SEMA5A: variants seen among roughly 807,000 people sequenced by gnomAD.
SEMA5A encodes semaphorin 5A.
Under a neutral mutation model 135.5 loss-of-function variants are expected in SEMA5A, and 55 were observed. The observed-to-expected ratio is 0.41, with a 90% CI of 0.33 to 0.51. The LOEUF is 0.51. Among genes scored for constraint, SEMA5A ranks in the 20% least tolerant of loss-of-function variants. The pLI is 0.37. For missense variants in SEMA5A, 1,290 were observed against 1,419.9 expected (o/e 0.91, Z 1.47); for synonymous variants, 580 against 546.5 (o/e 1.06, Z -0.85).
chr5:9,340,388 C>T (rs1579374095), intron 3 of SEMA5A, among the ~76,000 whole-genome samples: 1 of 152,110 alleles, frequency 6.6e-6, no homozygotes, highest in East Asian at 1.9e-4. Flanking sequence ...AGAGATGAGC[C>T]TCTAAGAGGA....
chr5:9,083,395 G>T (rs1251790022), intron 16 of SEMA5A, among the ~76,000 whole-genome samples: 2 of 152,036 alleles, frequency 1.3e-5, no homozygotes, highest in African/African-American at 2.4e-5. Context: ...AATAACTCAG[G>T]TTATTTAATT....
chr5:9,137,116 A>G (rs1247060787), intron 12 of SEMA5A, among the ~76,000 whole-genome samples: 1 of 152,218 alleles, frequency 6.6e-6, no homozygotes, highest in Non-Finnish European at 1.5e-5. Context: ...CATAATCATC[A>G]TCGTTATTAC....
chr5:9,435,462 G>A (rs1435459960), intron 2 of SEMA5A, among the ~76,000 whole-genome samples: 2 of 152,122 alleles, frequency 1.3e-5, no homozygotes, highest in African/African-American at 4.8e-5. Context: ...ACCATGTCAA[G>A]CAATAGAACA....
intron 11 of SEMA5A, among the ~76,000 whole-genome samples, chr5:9,175,231 T>C (rs1447799581): frequency 6.6e-6 from 1 of 152,092 alleles, no homozygotes; most frequent in Non-Finnish European, 1.5e-5. Context: ...GTGGATACTC[T>C]TTTCTTGCAG....
rs966179410 is a variant in SEMA5A at position 9,362,974 on chromosome 5, A to G, written c.124+16849T>C. On this transcript the variant is annotated intron_variant, in intron 3 of 22. Transcript: ENST00000382496. ...GATTTCTCAGCGACTGCCTCACCTCAGCATAATATTTGTAATGCGTCTTAC... is the reference window on the plus strand; with the variant it reads ...GATTTCTCAGCGACTGCCTCACCTCGGCATAATATTTGTAATGCGTCTTAC... Among the ~76,000 whole-genome samples the G allele has an allele frequency of 2.6e-5, 4 of 152,190 alleles. No homozygotes were observed. In the East Asian group the frequency reaches 7.7e-4, roughly 29 times the overall value.
intron 3 of SEMA5A, among the ~76,000 whole-genome samples, chr5:9,376,782 C>T (rs144646422): frequency 1.4e-4 from 22 of 152,170 alleles, no homozygotes; most frequent in East Asian, 3.9e-4. Context: ...CAAAGCCTGA[C>T]GGTGTACTCT....
At chr5:9,420,875 G>A (rs531263290) in intron 2 of SEMA5A, among the ~76,000 whole-genome samples, 3 of 152,300 alleles carry the variant, frequency 2.0e-5, no homozygotes, top group Admixed American at 2.0e-4. Context: ...AATTAGCCAG[G>A]CATGGTGGCG....
At chr5:9,413,672 T>G (rs1213877457) in intron 2 of SEMA5A, among the ~76,000 whole-genome samples, 1 of 152,204 alleles carries the variant, frequency 6.6e-6, no homozygotes. Flanking sequence ...ATTAATAAGT[T>G]TCTGTGTATG....
rs201560724 is a variant in SEMA5A at position 9,054,181 on chromosome 5, G to A, written c.2595C>T (p.Thr865=). ...ATCGGGHYMR[T]RSCSNPAPAY... Reference sequence around the variant, plus strand: ...CCGGGGCTGGATTGGAGCAAGAGCGGGTCCTCATATAGTGTCCACCGCCGC... The same window carrying A: ...CCGGGGCTGGATTGGAGCAAGAGCGAGTCCTCATATAGTGTCCACCGCCGC... The change falls in exon 19 of 23, where the codon ACC becomes ACT. Residue 865 remains threonine, a synonymous_variant. Coordinates refer to ENST00000382496, the MANE Select transcript of SEMA5A (RefSeq NM_003966.3). 176 of 1,614,004 alleles carry A rather than the reference G, an allele frequency of 1.1e-4. No individual in the cohort carries two copies. In the East Asian group the frequency reaches 2.5e-3, roughly 23 times the overall value.
chr5:9,149,087 T>G (rs1742492917), intron 12 of SEMA5A, among the ~76,000 whole-genome samples: 1 of 152,214 alleles, frequency 6.6e-6, no homozygotes, highest in Non-Finnish European at 1.5e-5. Flanking sequence ...TTCTGCTCTT[T>G]TTTTGGCTAA....
chr5:9,381,040 G>C (rs866160762), intron 2 of SEMA5A, among the ~76,000 whole-genome samples: 3 of 152,222 alleles, frequency 2.0e-5, no homozygotes, highest in Admixed American at 6.5e-5. Flanking sequence ...AGTTTAAAGG[G>C]AAGTATTGGG....
chr5:9,288,735 C>A lies in SEMA5A; in HGVS notation c.270+29637G>T, dbSNP rs1000732731. ...CAACATTAAAATAAAAATAAATTTACCAAAAAATGGTTGCATAATGAAGTG... is the reference window on the plus strand; with the variant it reads ...CAACATTAAAATAAAAATAAATTTAACAAAAAATGGTTGCATAATGAAGTG... On this transcript the variant is annotated intron_variant, in intron 5 of 22. Coordinates refer to ENST00000382496, the MANE Select transcript of SEMA5A (RefSeq NM_003966.3). Among the ~76,000 whole-genome samples the A allele has an allele frequency of 3.3e-5, 5 of 151,948 alleles. No homozygotes were observed. The South Asian group carries it at 1.0e-3, about 32-fold the overall frequency.
intron 3 of SEMA5A, among the ~76,000 whole-genome samples, chr5:9,350,092 A>C (rs931185769): frequency 2.0e-5 from 3 of 152,180 alleles, no homozygotes; most frequent in African/African-American, 7.2e-5. Context: ...CCAAGATATT[A>C]AGAACAGGCT....
At chr5:9,373,086 T>C (rs1183871779) in intron 3 of SEMA5A, among the ~76,000 whole-genome samples, 1 of 151,884 alleles carries the variant, frequency 6.6e-6, no homozygotes, top group Non-Finnish European at 1.5e-5. Flanking sequence ...CTTCTTAGAC[T>C]AGGAGAGGGG....
At chr5:9,347,178 G>A (rs1561170700) in intron 3 of SEMA5A, among the ~76,000 whole-genome samples, 1 of 152,138 alleles carries the variant, frequency 6.6e-6, no homozygotes, top group Non-Finnish European at 1.5e-5. Flanking sequence ...ATATGACACT[G>A]AAAACACAGC....
intron 5 of SEMA5A, among the ~76,000 whole-genome samples, chr5:9,316,419 A>G (rs1378381868): frequency 6.6e-6 from 1 of 152,188 alleles, no homozygotes; most frequent in African/African-American, 2.4e-5. Context: ...AAACCCTCTC[A>G]GCTGACGGAG....
chr5:9,119,123 G>A lies in SEMA5A; in HGVS notation c.1800C>T (p.Pro600=), dbSNP rs1740676339. ...ANCSRNGGWT[P]WTSWSPCSTT... is the part of the protein sequence containing the mutation. ...TGCTGCAGGGAGACCACGAGGTCCA[G>A]GGAGTCCAGCCTCCGTTCCTGAGGG... Residue 600 remains proline, a synonymous_variant, in exon 15 of 23, where the codon CCC becomes CCT. Coordinates refer to ENST00000382496, the MANE Select transcript of SEMA5A (RefSeq NM_003966.3). 1.2e-6 allele frequency: 2 copies of A among 1,613,786 alleles called. No individual in the cohort carries two copies. The highest frequency in any genetic ancestry group is 1.7e-6 in the Non-Finnish European group (2 of 1,179,936).
At chr5:9,460,033 T>C (rs1758996692) in intron 1 of SEMA5A, among the ~76,000 whole-genome samples, 1 of 152,224 alleles carries the variant, frequency 6.6e-6, no homozygotes, top group Non-Finnish European at 1.5e-5. Context: ...CATTTGATCA[T>C]TAGTTACCAT....
chr5:9,537,893 A>G (rs1457746592), intron 1 of SEMA5A, among the ~76,000 whole-genome samples: 4 of 152,240 alleles, frequency 2.6e-5, no homozygotes, highest in Admixed American at 2.6e-4. Flanking sequence ...AGCCTGGACC[A>G]CATCCCCAAA....
Sources: gnomAD v4.1 joint callset for allele counts (sites outside exome capture counted in the v4.1 genomes callset) on GRCh38, gnomAD v4.1.1 for gene constraint, MANE v1.5 for transcripts, NCBI Gene and HGNC (gene_info 2026-07-23, HGNC 2026-07-21) for gene names.